The following ADGRB3 variants were observed in gnomAD, a reference collection of about 807,000 sequenced individuals.
The protein encoded by ADGRB3 is brain-specific angiogenesis inhibitor 3.
In ADGRB3, 37 loss-of-function variants were observed where a neutral mutation model predicts 193.4. The ratio of observed to expected loss-of-function variants is 0.19; its 90% CI spans 0.15 to 0.25. The LOEUF is 0.25. Among genes scored for constraint, ADGRB3 ranks in the 10% least tolerant of loss-of-function variants. The probability of loss-of-function intolerance (pLI) is 1.00; values close to 1 mark genes in which losing one functional copy is unlikely to be tolerated. For synonymous variants in ADGRB3, 690 were observed against 644.2 expected (o/e 1.07, Z -1.08); for missense variants, 1,637 against 1,852.9 (o/e 0.88, Z 2.14).
At chr6:69,260,405 T>C (rs1766899109) in intron 20 of ADGRB3, among the ~76,000 whole-genome samples, 1 of 152,158 alleles carries the variant, frequency 6.6e-6, no homozygotes, top group East Asian at 1.9e-4. Context: ...GTGAGGGAAG[T>C]GGTGTCCCTC....
At chr6:69,325,091 A>G (rs181083793) in intron 21 of ADGRB3, 69 bp downstream of exon 21, 4 of 1,504,682 alleles carry the variant, frequency 2.7e-6, no homozygotes, top group South Asian at 1.3e-5. Flanking sequence ...GAAAGCAGTC[A>G]TGAGTGATTA....
chr6:68,913,937 G>A (rs1483271529), intron 3 of ADGRB3, among the ~76,000 whole-genome samples: 1 of 151,458 alleles, frequency 6.6e-6, no homozygotes, highest in Non-Finnish European at 1.5e-5. Flanking sequence ...GGAAGAAAGG[G>A]TATCAGTGAT....
At chr6:69,113,355 A>T (rs534421032) in intron 17 of ADGRB3, among the ~76,000 whole-genome samples, 1 of 151,994 alleles carries the variant, frequency 6.6e-6, no homozygotes, top group Admixed American at 6.6e-5. Context: ...ATATGTGTAT[A>T]TGTATCATAT....
intron 8 of ADGRB3, among the ~76,000 whole-genome samples, chr6:68,963,335 A>T (rs1424693330): frequency 2.0e-5 from 3 of 152,160 alleles, no homozygotes; most frequent in Non-Finnish European, 4.4e-5. Flanking sequence ...TACCCATATT[A>T]TGACAACACC....
intron 3 of ADGRB3, among the ~76,000 whole-genome samples, chr6:68,858,742 T>C (rs922502800): frequency 2.6e-5 from 4 of 152,146 alleles, no homozygotes; most frequent in Admixed American, 6.5e-5. Context: ...TAGCCTGAGC[T>C]CTACATTGAC....
intron 5 of ADGRB3, among the ~76,000 whole-genome samples, chr6:68,943,058 G>T (rs1490139384): frequency 6.6e-6 from 1 of 152,128 alleles, no homozygotes; most frequent in African/African-American, 2.4e-5. Context: ...TCATATTTAT[G>T]TTAAGCATAA....
intron 3 of ADGRB3, among the ~76,000 whole-genome samples, chr6:68,889,386 C>T (rs1159269481): frequency 1.3e-5 from 2 of 152,148 alleles, no homozygotes; most frequent in Non-Finnish European, 2.9e-5. Flanking sequence ...CAACCTGAGA[C>T]TATGAGCTTG....
At chr6:69,288,293 C>CG (rs1298150684) in intron 20 of ADGRB3, among the ~76,000 whole-genome samples, 3 of 152,216 alleles carry the variant, frequency 2.0e-5, no homozygotes, top group Admixed American at 2.0e-4. Flanking sequence ...TGAGAACATG[C>CG]GGTGTTTGGT....
chr6:69,187,851 TTGTCTGGTCACCAAGTCCTGCTTG>T (rs1225898401), intron 17 of ADGRB3, among the ~76,000 whole-genome samples: 8 of 152,130 alleles, frequency 5.3e-5, no homozygotes, highest in Middle Eastern at 3.2e-3. Context: ...GAGCCAGGCA[TTGTCTGGTCACCAAGTCCTGCTTG>T]TCCAGATAGT....
chr6:69,239,488 A>G lies in ADGRB3; in HGVS notation c.2814+262A>G, dbSNP rs144084291. Among the ~76,000 whole-genome samples the G allele has an allele frequency of 2.0e-4, 31 of 152,162 alleles. No individual in the cohort carries two copies. The East Asian group carries it at 4.1e-3, about 20-fold the overall frequency. On this transcript the variant is annotated intron_variant, in intron 20 of 31. Transcript: ENST00000370598. ...TTATTAAACATTATATCAAAGCTCT[A>G]TGAGTTCAAAGCTTTGGGACATCAA...
At chr6:69,180,133 A>G (rs1282028027) in intron 17 of ADGRB3, among the ~76,000 whole-genome samples, 1 of 152,240 alleles carries the variant, frequency 6.6e-6, no homozygotes, top group Non-Finnish European at 1.5e-5. Flanking sequence ...AGTTTTCTGT[A>G]TGAGAATGGG....
intron 17 of ADGRB3, among the ~76,000 whole-genome samples, chr6:69,184,073 A>T (rs763275354): frequency 1.3e-5 from 2 of 152,180 alleles, no homozygotes; most frequent in African/African-American, 2.4e-5. Flanking sequence ...TATAACTCAA[A>T]TAACAAGGCT....
At chr6:69,208,792 A>G (rs536501103) in intron 17 of ADGRB3, among the ~76,000 whole-genome samples, 5 of 152,292 alleles carry the variant, frequency 3.3e-5, no homozygotes, top group Non-Finnish European at 5.9e-5. Flanking sequence ...CTCAAGCCCA[A>G]TCACATATAT....
intron 3 of ADGRB3, among the ~76,000 whole-genome samples, chr6:68,793,934 T>C (rs1205651740): frequency 1.3e-5 from 2 of 152,198 alleles, no homozygotes; most frequent in Non-Finnish European, 2.9e-5. Context: ...ATCTGCAAAC[T>C]GTATATATTT....
intron 11 of ADGRB3, among the ~76,000 whole-genome samples, chr6:69,010,326 T>C (rs762924018): frequency 5.3e-5 from 8 of 152,056 alleles, no homozygotes; most frequent in Non-Finnish European, 8.8e-5. Flanking sequence ...TTCTGTTCTG[T>C]ACATATTGTT....
chr6:69,332,239 T>C (rs1226942492), intron 23 of ADGRB3: 5 of 985,240 alleles, frequency 5.1e-6, no homozygotes, highest in Non-Finnish European at 6.0e-6. Context: ...TTTCATTTCA[T>C]GTATCATGCA....
At chr6:69,181,162 T>C (rs555721078) in intron 17 of ADGRB3, among the ~76,000 whole-genome samples, 12 of 152,180 alleles carry the variant, frequency 7.9e-5, no homozygotes, top group Non-Finnish European at 1.5e-4. Flanking sequence ...CCTCCTGAGA[T>C]GTGGGGTGTC....
In ADGRB3 at chr6:68,993,955, G is replaced by A. The variant is rs749560178; in HGVS notation, c.1922G>A (p.Gly641Asp). 3.1e-6 allele frequency: 5 copies of A among 1,613,414 alleles called. No homozygotes were observed. Among genetic ancestry groups the A allele is most frequent in the Non-Finnish European group, 4.2e-6 (5 of 1,179,520 alleles). The change falls in exon 11 of 32, where the codon GGT becomes GAT. Residue 641 changes from glycine (G) to aspartate (D), a missense_variant. Transcript: ENST00000370598. Reference sequence around the variant, plus strand: ...GCAAGTTACATCCCTGCATCTGATGGTGTCCAGGTAAGGGAGACAAGTTCG... The same window carrying A: ...GCAAGTTACATCCCTGCATCTGATGATGTCCAGGTAAGGGAGACAAGTTCG... ...KRASYIPASD[G>D]VQNFFQIVSN...
intron 17 of ADGRB3, among the ~76,000 whole-genome samples, chr6:69,101,911 C>T (rs1454368665): frequency 6.6e-6 from 1 of 152,050 alleles, no homozygotes; most frequent in Non-Finnish European, 1.5e-5. Flanking sequence ...GACTCTCGGC[C>T]GGGCTCAGTG....
Sources: allele counts gnomAD v4.1 joint callset (sites outside exome capture counted in the v4.1 genomes callset), GRCh38; gene constraint gnomAD v4.1.1; transcripts MANE v1.5; gene names NCBI Gene and HGNC (gene_info 2026-07-23, HGNC 2026-07-21).